NINJ2: variants seen among roughly 807,000 people sequenced by gnomAD.
The protein encoded by NINJ2 is ninjurin 2.
Under a neutral mutation model 11.7 loss-of-function variants are expected in NINJ2, and 12 were observed. The observed-to-expected ratio is 1.02, with a 90% CI of 0.66 to 1.66. The LOEUF is 1.66. Ranked by LOEUF, NINJ2 falls within the 40% of genes most tolerant of loss-of-function variation. The probability of loss-of-function intolerance (pLI) is 0.00; values close to 1 mark genes in which losing one functional copy is unlikely to be tolerated. For synonymous variants in NINJ2, 93 were observed against 76.8 expected, an observed-to-expected ratio of 1.21 and a Z score of -1.10; for missense variants, 187 against 181.8, an observed-to-expected ratio of 1.03 and a Z score of -0.16.
chr12:642,954 C>T (rs1224533615), intron 1 of NINJ2: 1 of 149,390 alleles, frequency 6.7e-6, no homozygotes, highest in Non-Finnish European at 1.5e-5. Flanking sequence ...ACGCCCCACG[C>T]CGCGCCCGCC....
At chr12:647,977 A>ATGGT (rs1436837088) in intron 1 of NINJ2, among the ~76,000 whole-genome samples, 1 of 152,202 alleles carries the variant, frequency 6.6e-6, no homozygotes, top group Non-Finnish European at 1.5e-5. Flanking sequence ...TTAATGGTGT[A>ATGGT]GTAATGACCA....
intron 1 of NINJ2, among the ~76,000 whole-genome samples, chr12:624,122 A>G (rs1048741402): frequency 2.0e-5 from 3 of 152,170 alleles, no homozygotes; most frequent in African/African-American, 7.2e-5. Context: ...CCTGAACTCT[A>G]CGTCCCATCC....
intron 1 of NINJ2, among the ~76,000 whole-genome samples, chr12:600,702 TG>T (rs1947856036): frequency 7.0e-6 from 1 of 143,844 alleles, no homozygotes. Flanking sequence ...GTGTGTGTTT[TG>T]AGACAGTCTC....
Position 576,873 on chromosome 12 carries a change from C to T in NINJ2, c.34-10695G>A, listed in dbSNP as rs533440769. On this transcript the variant is annotated intron_variant, in intron 1 of 3. Coordinates refer to ENST00000305108, the MANE Select transcript of NINJ2 (RefSeq NM_016533.6). Reference sequence around the variant, plus strand: ...AGCGCCTTGTCCTGGGGCTTCCAGACCCATCTGGCCTTTTGCTCTTTGCTC... The same window carrying T: ...AGCGCCTTGTCCTGGGGCTTCCAGATCCATCTGGCCTTTTGCTCTTTGCTC... Among the ~76,000 whole-genome samples, 5 of 152,336 alleles carry T rather than the reference C, an allele frequency of 3.3e-5. No individual in the cohort carries two copies. In the East Asian group the frequency reaches 7.7e-4, roughly 23 times the overall value.
At chr12:604,308 G>A (rs1014771724) in intron 1 of NINJ2, among the ~76,000 whole-genome samples, 2 of 152,296 alleles carry the variant, frequency 1.3e-5, no homozygotes, top group East Asian at 3.9e-4. Context: ...TAAGTAGAAC[G>A]AGGAGTAGTA....
rs1321405426 is a variant in NINJ2 at position 565,706 on chromosome 12, GCAGT to G, written c.262+240_262+243del. 4.3e-5 allele frequency: 27 copies of G among 621,564 alleles called. No individual in the cohort carries two copies. The African/African-American group carries it at 4.4e-4, about 10-fold the overall frequency. 38.5% of individuals were successfully genotyped at this position (621,564 alleles called of 1,614,324 possible). A position where few individuals can be genotyped will look rare whatever the true frequency, so the allele number is the denominator to read the frequency against. On this transcript the variant is annotated intron_variant, in intron 2 of 3. Transcript: ENST00000305108. ...AGTTAGCAGTTAGCGAGGTGCTGGC[GCAGT>G]CATTCAGCAGGTACTGCGGAGGGTC...
At chr12:621,481 A>C in intron 1 of NINJ2, among the ~76,000 whole-genome samples, 1 of 143,318 alleles carries the variant, frequency 7.0e-6, no homozygotes, top group African/African-American at 2.5e-5. Context: ...AGAAAAAAAA[A>C]GAAAGAAAGA....
At chr12:616,938 G>C (rs550255819) in intron 1 of NINJ2, among the ~76,000 whole-genome samples, 6 of 152,326 alleles carry the variant, frequency 3.9e-5, no homozygotes, top group African/African-American at 1.4e-4. Context: ...GGGCGCAGTG[G>C]CTCATGCCTG....
In NINJ2 at chr12:614,855, G is replaced by A. The variant is rs1045795980; in HGVS notation, c.33+48473C>T. Reference sequence around the variant, plus strand: ...ACGTCGGGCAGCGTGCATTGTCAGCGCTCTATGAAAAACAAATAGCAGTTA... The same window carrying A: ...ACGTCGGGCAGCGTGCATTGTCAGCACTCTATGAAAAACAAATAGCAGTTA... On this transcript the variant is annotated intron_variant, in intron 1 of 3. Transcript: ENST00000305108. This position sits in a 1 kb window ranked among gnomAD's most constrained non-coding sequence, Gnocchi z 5.1. Among the ~76,000 whole-genome samples the A allele has an allele frequency of 1.3e-5, 2 of 152,136 alleles. No individual in the cohort carries two copies. Among genetic ancestry groups the A allele is most frequent in the African/African-American group, 2.4e-5 (1 of 41,422 alleles).
chr12:624,708 C>A (rs551485978), intron 1 of NINJ2, among the ~76,000 whole-genome samples: 39 of 150,880 alleles, frequency 2.6e-4, no homozygotes, highest in South Asian at 6.3e-4. Flanking sequence ...ACTTGGGAGG[C>A]TGAGGCAGGA....
At chr12:584,737 T>G (rs1181514753) in intron 1 of NINJ2, among the ~76,000 whole-genome samples, 1 of 145,206 alleles carries the variant, frequency 6.9e-6, no homozygotes, top group Non-Finnish European at 1.5e-5. Context: ...ACCCGGGAGG[T>G]GGAGGTTGCA....
intron 1 of NINJ2, among the ~76,000 whole-genome samples, chr12:586,675 A>G (rs1209146052): frequency 6.6e-6 from 1 of 152,220 alleles, no homozygotes; most frequent in Non-Finnish European, 1.5e-5. Context: ...ACACAGAACC[A>G]TCGGGGCAAG....
chr12:626,299 G>A (rs533117707), intron 1 of NINJ2, among the ~76,000 whole-genome samples: 37 of 152,330 alleles, frequency 2.4e-4, no homozygotes, highest in African/African-American at 7.9e-4. Context: ...CTACATTCAC[G>A]GGAACCTTGG....
At chr12:611,419 C>T (rs186961607) in intron 1 of NINJ2, among the ~76,000 whole-genome samples, 1 of 152,054 alleles carries the variant, frequency 6.6e-6, no homozygotes. Flanking sequence ...CTCATTACAA[C>T]CACCACCTCC....
intron 1 of NINJ2, among the ~76,000 whole-genome samples, chr12:602,164 A>G (rs1384907749): frequency 6.6e-6 from 1 of 152,226 alleles, no homozygotes; most frequent in Non-Finnish European, 1.5e-5. Context: ...CTGAGCCATA[A>G]TCCACACACC....
At chr12:575,158 C>T (rs539888059) in intron 1 of NINJ2, among the ~76,000 whole-genome samples, 16 of 152,342 alleles carry the variant, frequency 1.1e-4, no homozygotes, top group East Asian at 1.9e-4. Flanking sequence ...CCTCTCTCCT[C>T]GCTCCTGCTG....
intron 1 of NINJ2, among the ~76,000 whole-genome samples, chr12:652,821 G>A (rs967639115): frequency 2.1e-4 from 31 of 150,960 alleles, no homozygotes; most frequent in Non-Finnish European, 2.5e-4. Context: ...GGTGGCAGGC[G>A]CCTGTAACCC....
intron 1 of NINJ2, among the ~76,000 whole-genome samples, chr12:586,728 G>C (rs564106970): frequency 6.6e-6 from 1 of 152,352 alleles, no homozygotes; most frequent in African/African-American, 2.4e-5. Context: ...CTGAAACTGG[G>C]ACAAAGGCTT....
intron 1 of NINJ2, among the ~76,000 whole-genome samples, chr12:647,454 G>A (rs1344941395): frequency 9.2e-6 from 1 of 108,726 alleles, no homozygotes; most frequent in Non-Finnish European, 2.2e-5. Flanking sequence ...GTGTGGTGGT[G>A]CCCCACACTG....
Sources: allele counts gnomAD v4.1 joint callset (sites outside exome capture counted in the v4.1 genomes callset), GRCh38; gene constraint gnomAD v4.1.1; non-coding constraint Gnocchi (gnomAD v3.1); transcripts MANE v1.5; gene names NCBI Gene and HGNC (gene_info 2026-07-23, HGNC 2026-07-21).